The following CTNNA2 variants were observed in gnomAD, a reference collection of about 807,000 sequenced individuals.
CTNNA2 encodes the protein catenin alpha 2.
CTNNA2 carries 42 observed loss-of-function variants against 101.0 expected under a neutral mutation model. The ratio of observed to expected loss-of-function variants is 0.42; its 90% confidence interval spans 0.32 to 0.54. The LOEUF (loss-of-function observed/expected upper bound fraction) is 0.54. Among genes scored for constraint, CTNNA2 ranks in the 20% least tolerant of loss-of-function variants. CTNNA2 has a pLI of 0.14. For missense variants in CTNNA2, 871 were observed against 1,223.1 expected (o/e 0.71, Z 4.29); for synonymous variants, 450 against 456.4 (o/e 0.99, Z 0.18).
At chr2:79,429,369 C>G (rs1216356387) in intron 4 of CTNNA2, among the ~76,000 whole-genome samples, 1 of 152,058 alleles carries the variant, frequency 6.6e-6, no homozygotes, top group Non-Finnish European at 1.5e-5. Flanking sequence ...CAGTATCTAA[C>G]TCAGAAGTTT....
chr2:80,043,179 TTC>T (rs1491498536), intron 7 of CTNNA2, among the ~76,000 whole-genome samples: 74 of 109,418 alleles, frequency 6.8e-4, no homozygotes, highest in African/African-American at 2.6e-3. Flanking sequence ...CCTTCCTTCC[TTC>T]CTTTCTTTCT....
intron 7 of CTNNA2, among the ~76,000 whole-genome samples, chr2:80,016,846 T>C (rs571772195): frequency 2.0e-5 from 3 of 152,206 alleles, no homozygotes; most frequent in Admixed American, 6.5e-5. Flanking sequence ...TCTGAGTTAA[T>C]AGGAAGACAG....
chr2:80,183,410 T>C (rs1185064632), intron 7 of CTNNA2, among the ~76,000 whole-genome samples: 1 of 152,202 alleles, frequency 6.6e-6, no homozygotes, highest in African/African-American at 2.4e-5. Flanking sequence ...ATAGTTGGTT[T>C]TGGCAGATGG....
intron 9 of CTNNA2, among the ~76,000 whole-genome samples, chr2:80,495,939 C>CAAAAA (rs60582703): frequency 2.8e-5 from 1 of 35,772 alleles, no homozygotes. Context: ...GACTCTGTCT[C>CAAAAA]AAAAAAAAAA....
chr2:79,672,110 C>G (rs1225756496), intron 2 of CTNNA2, among the ~76,000 whole-genome samples: 3 of 151,988 alleles, frequency 2.0e-5, no homozygotes, highest in African/African-American at 7.3e-5. Flanking sequence ...AAAAAAAGTT[C>G]TTTTAAAAAT....
intron 2 of CTNNA2, among the ~76,000 whole-genome samples, chr2:79,220,292 C>G (rs527453372): frequency 4.0e-4 from 61 of 152,168 alleles, no homozygotes; most frequent in African/African-American, 1.5e-3. Context: ...AAGTTTGGAA[C>G]TAATTAAGAG....
At chr2:79,368,118 T>C (rs1677790319) in intron 3 of CTNNA2, among the ~76,000 whole-genome samples, 1 of 152,152 alleles carries the variant, frequency 6.6e-6, no homozygotes, top group Non-Finnish European at 1.5e-5. Context: ...CATAGAAGAC[T>C]GAAAAAGTCA....
At chr2:80,038,227 C>G (rs767831581) in intron 7 of CTNNA2, among the ~76,000 whole-genome samples, 2 of 152,046 alleles carry the variant, frequency 1.3e-5, no homozygotes, top group Non-Finnish European at 2.9e-5. Flanking sequence ...TAATGTTTGT[C>G]CTTTGGAAGC....
At chr2:80,497,872 A>T (rs1191511822) in intron 9 of CTNNA2, among the ~76,000 whole-genome samples, 1 of 152,102 alleles carries the variant, frequency 6.6e-6, no homozygotes, top group African/African-American at 2.4e-5. Flanking sequence ...TTCTGCCAAC[A>T]ACCAGTGAGC....
At chr2:79,855,081 GT>G (rs1295613847) in intron 3 of CTNNA2, among the ~76,000 whole-genome samples, 6 of 152,128 alleles carry the variant, frequency 3.9e-5, no homozygotes, top group African/African-American at 1.4e-4. Context: ...TGAGCTTTTA[GT>G]TTAATTTGCT....
At chr2:79,683,222 T>C (rs1489823857) in intron 2 of CTNNA2, among the ~76,000 whole-genome samples, 1 of 152,244 alleles carries the variant, frequency 6.6e-6, no homozygotes, top group Non-Finnish European at 1.5e-5. Context: ...AAGAGGTTAA[T>C]GGGCCCTGCT....
chr2:79,421,653 T>G (rs1573158447), intron 4 of CTNNA2, among the ~76,000 whole-genome samples: 1 of 152,274 alleles, frequency 6.6e-6, no homozygotes, highest in African/African-American at 2.4e-5. Context: ...TTTATTTGTA[T>G]TTAATTAGAA....
chr2:79,497,662 C>G (rs1671273101), intron 4 of CTNNA2, among the ~76,000 whole-genome samples: 1 of 152,182 alleles, frequency 6.6e-6, no homozygotes, highest in African/African-American at 2.4e-5. Context: ...CACTAGAACA[C>G]CCCACACTAA....
intron 2 of CTNNA2, among the ~76,000 whole-genome samples, chr2:79,676,264 G>A (rs952422640): frequency 1.3e-5 from 2 of 152,186 alleles, no homozygotes; most frequent in Admixed American, 1.3e-4. Flanking sequence ...AATCCTCAAA[G>A]GATAGGACTG....
At chr2:79,497,723 A>T (rs1156342341) in intron 4 of CTNNA2, among the ~76,000 whole-genome samples, 1 of 152,222 alleles carries the variant, frequency 6.6e-6, no homozygotes, top group Non-Finnish European at 1.5e-5. Context: ...TATCATCGCT[A>T]TCTCTTGTCT....
intron 7 of CTNNA2, among the ~76,000 whole-genome samples, chr2:80,347,839 T>TTTC (rs143830097): frequency 6.1e-5 from 5 of 81,522 alleles, no homozygotes; most frequent in African/African-American, 3.1e-4. Flanking sequence ...TTTTCTTTTC[T>TTTC]TTTCTTTTTT....
intron 7 of CTNNA2, among the ~76,000 whole-genome samples, chr2:80,345,989 A>G (rs1240436800): frequency 6.6e-6 from 1 of 152,152 alleles, no homozygotes; most frequent in Non-Finnish European, 1.5e-5. Context: ...AGGAGAAAAT[A>G]ATTTTCCATT....
intron 3 of CTNNA2, among the ~76,000 whole-genome samples, chr2:79,323,516 T>G (rs1221289310): frequency 6.7e-6 from 1 of 149,148 alleles, no homozygotes; most frequent in African/African-American, 2.5e-5. Context: ...CAACATCCAT[T>G]TATACTTTCT....
In CTNNA2 at chr2:80,031,485, T is replaced by C. The variant is rs534313939; in HGVS notation, c.1056+121688T>C. On this transcript the variant is annotated intron_variant, in intron 7 of 18. Transcript: ENST00000402739. ...GCTTGTGCAGGGAAACTCACCCTTGTAAAAGAATCAAATCTTGTGAGACTT... is the reference window on the plus strand; with the variant it reads ...GCTTGTGCAGGGAAACTCACCCTTGCAAAAGAATCAAATCTTGTGAGACTT... 2.0e-5 allele frequency among the ~76,000 whole-genome samples: 3 copies of C among 152,300 alleles called. No homozygotes were observed. The East Asian group carries it at 5.8e-4, about 29-fold the overall frequency.
Sources: allele counts gnomAD v4.1 joint callset (sites outside exome capture counted in the v4.1 genomes callset), GRCh38; gene constraint gnomAD v4.1.1; transcripts MANE v1.5; gene names NCBI Gene and HGNC (gene_info 2026-07-23, HGNC 2026-07-21).